The following CHM variants were observed in gnomAD, a reference collection of about 807,000 sequenced individuals.
The protein encoded by CHM is rab proteins geranylgeranyltransferase component A 1.
A neutral mutation model predicts 49.0 loss-of-function variants in CHM; 10 were observed. That is an observed-to-expected ratio of 0.20 (90% CI 0.13 to 0.35). CHM has a LOEUF of 0.35. Ranked by LOEUF, CHM falls within the 10% of genes least tolerant of loss-of-function variation. CHM has a pLI of 1.00. For synonymous variants in CHM, 184 were observed against 167.5 expected (o/e 1.10, Z -0.76); for missense variants, 455 against 478.4 (o/e 0.95, Z 0.46).
intron 8 of CHM, among the ~76,000 whole-genome samples, chrX:85,942,134 A>G (rs1193251897): frequency 9.0e-6 from 1 of 110,961 alleles, no homozygotes; most frequent in Non-Finnish European, 1.9e-5. Flanking sequence ...CTTATTCACT[A>G]TTCTACACTT....
chrX:85,976,206 C>T (rs946582153), intron 4 of CHM, among the ~76,000 whole-genome samples: 6 of 111,756 alleles, frequency 5.4e-5, no homozygotes, highest in Admixed American at 9.5e-5. Flanking sequence ...AATATAGTGA[C>T]GGCCTTGAGG....
chrX:85,916,409 C>T (rs771756873), intron 8 of CHM, among the ~76,000 whole-genome samples: 4 of 112,012 alleles, frequency 3.6e-5, no homozygotes, highest in South Asian at 7.4e-4. Flanking sequence ...GATTTCATGA[C>T]GAAGATGCCA....
At chrX:85,945,238 T>C (rs1303317081) in intron 8 of CHM, among the ~76,000 whole-genome samples, 1 of 110,097 alleles carries the variant, frequency 9.1e-6, no homozygotes, top group Non-Finnish European at 1.9e-5. Flanking sequence ...CCCCGTGATA[T>C]AGTTTACATA....
intron 13 of CHM, 108 bp downstream of exon 13, chrX:85,878,857 G>T (rs1924579389): frequency 1.8e-6 from 1 of 558,412 alleles, no homozygotes; most frequent in Admixed American, 2.8e-5. Context: ...AATTGTTGTT[G>T]AATACATCCC....
intron 13 of CHM, among the ~76,000 whole-genome samples, 200 bp from the exon 14 acceptor site, chrX:85,873,412 C>A (rs1160229532): frequency 1.8e-5 from 2 of 111,473 alleles, no homozygotes; most frequent in Admixed American, 1.9e-4. Context: ...AGTCATGCTC[C>A]TTTGGACTTC....
intron 9 of CHM, among the ~76,000 whole-genome samples, chrX:85,910,450 T>C (rs1186931447): frequency 4.5e-5 from 5 of 111,706 alleles, no homozygotes; most frequent in Non-Finnish European, 7.5e-5. Context: ...ATTTAGATAG[T>C]TTCTAAAACT....
chrX:85,978,118 T>G (rs1235249472), intron 4 of CHM, among the ~76,000 whole-genome samples: 1 of 112,023 alleles, frequency 8.9e-6, no homozygotes, highest in Admixed American at 9.5e-5. Context: ...GTCAATCATA[T>G]ATCATTTGAA....
At chrX:86,014,823 A>G (rs1377877721) in intron 2 of CHM, among the ~76,000 whole-genome samples, 1 of 111,955 alleles carries the variant, frequency 8.9e-6, no homozygotes, top group Non-Finnish European at 1.9e-5. Flanking sequence ...GAAGCAGGAC[A>G]TTAGTGCCAG....
chrX:85,993,459 T>G (rs1241383792), intron 2 of CHM, among the ~76,000 whole-genome samples: 1 of 111,994 alleles, frequency 8.9e-6, no homozygotes, highest in African/African-American at 3.2e-5. Context: ...CTTATCTATC[T>G]ATTGCATTAG....
chrX:85,995,564 T>C (rs1457665408), intron 2 of CHM, among the ~76,000 whole-genome samples: 1 of 112,313 alleles, frequency 8.9e-6, no homozygotes, highest in Non-Finnish European at 1.9e-5. Flanking sequence ...CAAATGGACC[T>C]AGATTTAAAA....
chrX:85,965,929 C>G (rs1384985340), intron 4 of CHM, among the ~76,000 whole-genome samples: 1 of 111,912 alleles, frequency 8.9e-6, no homozygotes, highest in Non-Finnish European at 1.9e-5. Context: ...CATTTAATCT[C>G]TCTGATTCAC....
intron 2 of CHM, among the ~76,000 whole-genome samples, chrX:86,024,038 G>A (rs1264282481): frequency 9.0e-6 from 1 of 111,716 alleles, no homozygotes; most frequent in Non-Finnish European, 1.9e-5. Context: ...GCATAGTTGT[G>A]ACACATAGCC....
At chrX:85,966,243 G>T (rs1192570283) in intron 4 of CHM, among the ~76,000 whole-genome samples, 1 of 108,470 alleles carries the variant, frequency 9.2e-6, no homozygotes, top group Non-Finnish European at 1.9e-5. Flanking sequence ...CAGCTACTTG[G>T]GAGGCTGAGG....
chrX:85,952,580 C>T (rs978286723), intron 8 of CHM, among the ~76,000 whole-genome samples: 2 of 112,364 alleles, frequency 1.8e-5, no homozygotes. Flanking sequence ...GGTAGTATGC[C>T]GTGAGCCTTG....
chrX:85,974,599 C>T, intron 4 of CHM, among the ~76,000 whole-genome samples: 1 of 110,968 alleles, frequency 9.0e-6, no homozygotes, highest in Admixed American at 9.6e-5. Context: ...GTACAATCAA[C>T]TGATTTTTGA....
intron 2 of CHM, among the ~76,000 whole-genome samples, chrX:86,000,350 G>C (rs189929012): frequency 1.9e-5 from 2 of 105,346 alleles, no homozygotes; most frequent in African/African-American, 6.9e-5. Flanking sequence ...AGTTATACAA[G>C]TTCAATAAGT....
At chrX:86,041,726 GTATATATATATATATA>G (rs3078104) in intron 1 of CHM, among the ~76,000 whole-genome samples, 2 of 83,735 alleles carry the variant, frequency 2.4e-5, no homozygotes. Context: ...TGGTGTGTGT[GTATATATATATATATA>G]TATATATATA....
intron 1 of CHM, among the ~76,000 whole-genome samples, chrX:86,043,674 C>T (rs987757744): frequency 3.6e-5 from 4 of 110,980 alleles, no homozygotes; most frequent in African/African-American, 1.3e-4. Flanking sequence ...AATCCACCTG[C>T]CTCGGCTTCC....
At position 85,937,956 on chromosome X, in the gene CHM, G is replaced by A. The variant is rs992377514; in HGVS notation, c.1166+18197C>T. ...CAATGTAATTCCAATATACTCATGA[G>A]AGTCACAATAATTCCTCCACAAAAT... On this transcript the variant is annotated intron_variant, in intron 8 of 14. Coordinates refer to ENST00000357749, the MANE Select transcript of CHM (RefSeq NM_000390.4). Among the ~76,000 whole-genome samples, 3 of 111,042 alleles carry A rather than the reference G, an allele frequency of 2.7e-5. No homozygotes were observed. In the East Asian group the frequency reaches 8.4e-4, roughly 31 times the overall value.
Sources: allele counts gnomAD v4.1 joint callset (sites outside exome capture counted in the v4.1 genomes callset), GRCh38; gene constraint gnomAD v4.1.1; transcripts MANE v1.5; gene names NCBI Gene and HGNC (gene_info 2026-07-23, HGNC 2026-07-21).